CTNND2: variants seen among roughly 807,000 people sequenced by gnomAD.
The protein encoded by CTNND2 is catenin delta 2.
In CTNND2, 22 loss-of-function variants were observed where a neutral mutation model predicts 144.4. The observed-to-expected ratio is 0.15, with a 90% confidence interval of 0.11 to 0.22. The LOEUF (loss-of-function observed/expected upper bound fraction) is 0.22. Among genes scored for constraint, CTNND2 ranks in the 10% least tolerant of loss-of-function variants. The probability of loss-of-function intolerance (pLI) is 1.00; values close to 1 mark genes in which losing one functional copy is unlikely to be tolerated. For missense variants in CTNND2, 1,353 were observed against 1,618.8 expected (o/e 0.84, Z 2.82); for synonymous variants, 751 against 695.6 (o/e 1.08, Z -1.25).
At chr5:11,323,207 T>G (rs1752205077) in intron 9 of CTNND2, among the ~76,000 whole-genome samples, 2 of 123,068 alleles carry the variant, frequency 1.6e-5, no homozygotes, top group South Asian at 3.4e-4. Flanking sequence ...CCCAGCAAAT[T>G]AAAAAACAAA....
intron 7 of CTNND2, among the ~76,000 whole-genome samples, chr5:11,381,340 A>G (rs796403876): frequency 9.2e-5 from 14 of 152,206 alleles, no homozygotes; most frequent in South Asian, 4.2e-4. Context: ...CAAATCCCCA[A>G]TGGTGCCCAT....
chr5:11,825,955 A>G (rs1343069142), intron 1 of CTNND2, among the ~76,000 whole-genome samples: 1 of 152,074 alleles, frequency 6.6e-6, no homozygotes, highest in Non-Finnish European at 1.5e-5. Flanking sequence ...ATACTGAGCC[A>G]TTTTCTTGCC....
At chr5:11,179,698 T>A (rs1322003702) in intron 11 of CTNND2, among the ~76,000 whole-genome samples, 5 of 152,156 alleles carry the variant, frequency 3.3e-5, no homozygotes, top group African/African-American at 1.2e-4. Flanking sequence ...TATTGACACC[T>A]CAACCCTCTT....
intron 3 of CTNND2, among the ~76,000 whole-genome samples, chr5:11,556,508 G>T (rs1776251128): frequency 6.6e-6 from 1 of 151,986 alleles, no homozygotes; most frequent in Non-Finnish European, 1.5e-5. Context: ...GTGACCACTG[G>T]CTTCTGTTTC....
chr5:11,598,160 C>A (rs533594379), intron 2 of CTNND2, among the ~76,000 whole-genome samples: 1 of 152,066 alleles, frequency 6.6e-6, no homozygotes, highest in Non-Finnish European at 1.5e-5. Flanking sequence ...AATAATTTGT[C>A]CAAAATCATG....
At chr5:11,234,749 G>A (rs891522941) in intron 10 of CTNND2, among the ~76,000 whole-genome samples, 2 of 152,172 alleles carry the variant, frequency 1.3e-5, no homozygotes, top group Non-Finnish European at 2.9e-5. Context: ...TGCCTGGCCG[G>A]GTGACTCCTT....
chr5:11,554,365 A>G (rs1287185250), intron 3 of CTNND2, among the ~76,000 whole-genome samples: 3 of 152,288 alleles, frequency 2.0e-5, no homozygotes, highest in African/African-American at 7.2e-5. Flanking sequence ...TTAGGTGACT[A>G]TTTACAACAC....
intron 9 of CTNND2, among the ~76,000 whole-genome samples, chr5:11,300,912 G>T (rs1749533539): frequency 6.6e-6 from 1 of 152,116 alleles, no homozygotes. Context: ...TGGGATCAGA[G>T]GGCACAATCT....
intron 11 of CTNND2, among the ~76,000 whole-genome samples, chr5:11,166,200 AC>A (rs1230202421): frequency 2.0e-5 from 3 of 151,384 alleles, no homozygotes; most frequent in African/African-American, 7.3e-5. Context: ...CAGTTTGTGT[AC>A]CTGGGGGGAG....
intron 11 of CTNND2, among the ~76,000 whole-genome samples, chr5:11,176,147 GC>G (rs974275109): frequency 1.3e-5 from 2 of 152,138 alleles, no homozygotes; most frequent in African/African-American, 4.8e-5. Context: ...TAGTACTGAT[GC>G]CCAATATCAT....
intron 1 of CTNND2, among the ~76,000 whole-genome samples, chr5:11,789,152 C>G (rs1639253693): frequency 6.6e-6 from 1 of 152,270 alleles, no homozygotes; most frequent in African/African-American, 2.4e-5. Flanking sequence ...TCATGGAAGA[C>G]AGTGTGGTGA....
At chr5:11,800,282 A>G (rs1347194923) in intron 1 of CTNND2, among the ~76,000 whole-genome samples, 2 of 152,158 alleles carry the variant, frequency 1.3e-5, no homozygotes, top group African/African-American at 4.8e-5. Context: ...TTCTGAGAAG[A>G]ACTGAAAGCA....
chr5:11,176,189 C>A (rs1031181074), intron 11 of CTNND2, among the ~76,000 whole-genome samples: 4 of 152,076 alleles, frequency 2.6e-5, no homozygotes, highest in African/African-American at 7.2e-5. Flanking sequence ...ATTTTTGTGA[C>A]CCTTAGTCTA....
Position 11,500,619 on chromosome 5 carries a change from A to T in CTNND2, c.287+64325T>A, listed in dbSNP as rs189593011. ...TACAACTTAGGAAGGCAAAATCAGT[A>T]TCTTAGCAGGGTTGCATATTATTGT... is the stretch of plus-strand genomic sequence containing the variant. On this transcript the variant is annotated intron_variant, in intron 3 of 21. Transcript: ENST00000304623. 9.8e-5 allele frequency among the ~76,000 whole-genome samples: 15 copies of T among 152,328 alleles called. No individual in the cohort carries two copies. The East Asian group carries it at 2.9e-3, about 29-fold the overall frequency.
chr5:11,018,101 G>A, intron 17 of CTNND2, 43 bp from the exon 18 acceptor site: 1 of 1,294,342 alleles, frequency 7.7e-7, no homozygotes, highest in South Asian at 1.2e-5. Flanking sequence ...GAGTGGGACA[G>A]CTGTGTCACA....
At chr5:11,118,373 G>A (rs1194040650) in intron 12 of CTNND2, among the ~76,000 whole-genome samples, 1 of 152,204 alleles carries the variant, frequency 6.6e-6, no homozygotes, top group Non-Finnish European at 1.5e-5. Flanking sequence ...CCTGTAAAAG[G>A]GAGGCTGCAG....
chr5:11,733,892 G>C (rs1035969024), intron 1 of CTNND2, among the ~76,000 whole-genome samples: 1 of 152,168 alleles, frequency 6.6e-6, no homozygotes, highest in Non-Finnish European at 1.5e-5. Flanking sequence ...TCTGAATGTT[G>C]ATGTCTCCCA....
At chr5:11,707,132 A>C (rs1407884019) in intron 2 of CTNND2, among the ~76,000 whole-genome samples, 1 of 151,950 alleles carries the variant, frequency 6.6e-6, no homozygotes, top group Non-Finnish European at 1.5e-5. Context: ...CACAACTATG[A>C]CTTTTGACAA....
intron 16 of CTNND2, among the ~76,000 whole-genome samples, chr5:11,058,166 C>T (rs528465604): frequency 2.0e-5 from 3 of 152,270 alleles, no homozygotes; most frequent in Admixed American, 6.5e-5. Context: ...AATTTGCATA[C>T]GTAATGAGGA....
Sources: allele counts gnomAD v4.1 joint callset (sites outside exome capture counted in the v4.1 genomes callset), GRCh38; gene constraint gnomAD v4.1.1; transcripts MANE v1.5; gene names NCBI Gene and HGNC (gene_info 2026-07-23, HGNC 2026-07-21).